ZNF438: variants seen among roughly 807,000 people sequenced by gnomAD.
ZNF438 encodes the protein zinc finger protein 438.
In ZNF438, 25 loss-of-function variants were observed where a neutral mutation model predicts 38.0. That is an observed-to-expected ratio of 0.66 (90% CI 0.48 to 0.92). The LOEUF (loss-of-function observed/expected upper bound fraction) is 0.92, where lower values mean the gene tolerates loss of function less well. Among genes scored for constraint, ZNF438 ranks in the 40% least tolerant of loss-of-function variants. The pLI is 0.00. For missense variants in ZNF438, 1,007 were observed against 999.6 expected (o/e 1.01, Z -0.10); for synonymous variants, 372 against 364.1 (o/e 1.02, Z -0.25).
chr10:30,969,130 G>C (rs1442602380), intron 1 of ZNF438, among the ~76,000 whole-genome samples: 1 of 151,586 alleles, frequency 6.6e-6, no homozygotes, highest in African/African-American at 2.4e-5. Context: ...GGCTAGAGAT[G>C]GTTTGCCACA....
intron 2 of ZNF438, among the ~76,000 whole-genome samples, chr10:30,933,905 G>A (rs1019247134): frequency 6.6e-6 from 1 of 152,064 alleles, no homozygotes; most frequent in African/African-American, 2.4e-5. Context: ...CCAACACTTT[G>A]GGAGACCGAG....
In ZNF438 at chr10:30,977,761, G is replaced by A. The variant is rs186299322; in HGVS notation, c.-191-36110C>T. ...ACACTTTGGGAGGCCGAGGCTAGCG[G>A]ATCGCAAGGTCAGGAGTTCGAGACT... is the stretch of plus-strand genomic sequence containing the variant. On this transcript the variant is annotated intron_variant, in intron 1 of 5. Transcript: ENST00000413025. Among the ~76,000 whole-genome samples, 7 of 152,094 alleles carry A rather than the reference G, an allele frequency of 4.6e-5. No homozygotes were observed. In the East Asian group the frequency reaches 1.4e-3, roughly 29 times the overall value.
intron 1 of ZNF438, among the ~76,000 whole-genome samples, chr10:30,983,228 T>G (rs918622195): frequency 6.6e-6 from 1 of 152,202 alleles, no homozygotes; most frequent in African/African-American, 2.4e-5. Context: ...GCAAACACCA[T>G]GCCCATTGTA....
At chr10:30,949,114 C>G (rs1387482221) in intron 1 of ZNF438, among the ~76,000 whole-genome samples, 3 of 152,064 alleles carry the variant, frequency 2.0e-5, no homozygotes, top group Admixed American at 1.3e-4. Flanking sequence ...TTAAAGACAA[C>G]AATTTTCAAC....
intron 1 of ZNF438, among the ~76,000 whole-genome samples, chr10:30,946,490 A>G (rs1303941832): frequency 6.6e-6 from 1 of 152,100 alleles, no homozygotes; most frequent in African/African-American, 2.4e-5. Context: ...ACTCAAACAA[A>G]TTTACAAGAA....
chr10:30,941,544 C>T (rs1449751847), intron 2 of ZNF438, 31 bp downstream of exon 3: 1 of 152,160 alleles, frequency 6.6e-6, no homozygotes, highest in African/African-American at 2.4e-5. Flanking sequence ...AAATCTTAAG[C>T]TGGTACCAAG....
intron 3 of ZNF438, among the ~76,000 whole-genome samples, chr10:30,878,863 C>T (rs540625128): frequency 2.7e-3 from 413 of 152,198 alleles, no homozygotes; most frequent in Non-Finnish European, 4.9e-3. Context: ...GTGTGGCAGG[C>T]TGAGTAAACA....
chr10:30,927,721 A>G (rs1388206829), intron 2 of ZNF438, among the ~76,000 whole-genome samples: 1 of 152,240 alleles, frequency 6.6e-6, no homozygotes. Flanking sequence ...ACTGATGGCC[A>G]GGAGGCTCTT....
rs76602173 is a variant in ZNF438 at position 30,893,180 on chromosome 10, A to G, written c.-32+15753T>C. Among the ~76,000 whole-genome samples, 752 of 152,330 alleles carry G rather than the reference A, an allele frequency of 4.9e-3. 11 individuals carry two copies. The highest frequency in any genetic ancestry group is 0.017 in the African/African-American group (718 of 41,580). Reference sequence around the variant, plus strand: ...CAAAAATTGCCATAGGAATTTTTCAATCAAATACTCAAAACGTTTAAGGAT... The same window carrying G: ...CAAAAATTGCCATAGGAATTTTTCAGTCAAATACTCAAAACGTTTAAGGAT... On this transcript the variant is annotated intron_variant, in intron 3 of 5. Transcript: ENST00000413025.
intron 1 of ZNF438, among the ~76,000 whole-genome samples, chr10:31,002,312 CTTCA>C (rs1482131394): frequency 2.6e-5 from 4 of 152,192 alleles, no homozygotes; most frequent in Non-Finnish European, 4.4e-5. Flanking sequence ...ATTAAAACTT[CTTCA>C]TTAAGTTCGA....
rs80161054 is a variant in ZNF438 at position 30,980,823 on chromosome 10, T to G, written c.-191-39172A>C. Among the ~76,000 whole-genome samples the G allele has an allele frequency of 4.9e-3, 741 of 152,312 alleles. 10 individuals are homozygous for G. Among genetic ancestry groups the G allele is most frequent in the African/African-American group, 0.017 (693 of 41,562 alleles). On this transcript the variant is annotated intron_variant, in intron 1 of 5. Transcript: ENST00000413025. ...AAGATAGCAAAGGAGATTTTGTACT[T>G]TTATGACTCTTCCTCAAAAAGAAGT...
intron 1 of ZNF438, among the ~76,000 whole-genome samples, chr10:30,947,840 C>A (rs1468926872): frequency 6.6e-6 from 1 of 152,206 alleles, no homozygotes; most frequent in Admixed American, 6.5e-5. Context: ...ACTCCCTGAC[C>A]CCTTGCGCTT....
chr10:30,904,640 T>C (rs2042390263), intron 3 of ZNF438, among the ~76,000 whole-genome samples: 1 of 152,218 alleles, frequency 6.6e-6, no homozygotes, highest in Non-Finnish European at 1.5e-5. Flanking sequence ...CACTCTGGTC[T>C]GGACCTTCTT....
intron 4 of ZNF438, among the ~76,000 whole-genome samples, chr10:30,855,381 G>A (rs1489371127): frequency 6.6e-6 from 1 of 152,174 alleles, no homozygotes; most frequent in Admixed American, 6.5e-5. Flanking sequence ...CTTATCAGGT[G>A]GTTCATGATC....
At chr10:30,873,345 G>A (rs181289901) in intron 4 of ZNF438, among the ~76,000 whole-genome samples, 14 of 152,124 alleles carry the variant, frequency 9.2e-5, no homozygotes, top group Non-Finnish European at 2.1e-4. Flanking sequence ...ATAACTTATC[G>A]TTAGAGTGAC....
chr10:30,885,264 TTTGA>T (rs1159411436), intron 3 of ZNF438, among the ~76,000 whole-genome samples: 1 of 152,212 alleles, frequency 6.6e-6, no homozygotes, highest in Admixed American at 6.5e-5. Flanking sequence ...ACTAACCTAC[TTTGA>T]TTGGGCAGCT....
intron 1 of ZNF438, among the ~76,000 whole-genome samples, chr10:30,942,527 A>G (rs956403963): frequency 2.0e-5 from 3 of 152,236 alleles, no homozygotes; most frequent in African/African-American, 7.2e-5. Context: ...AGCCTAAACA[A>G]TTATGCAAGA....
chr10:30,929,975 C>T (rs766123254), intron 2 of ZNF438, among the ~76,000 whole-genome samples: 37 of 152,364 alleles, frequency 2.4e-4, no homozygotes, highest in Admixed American at 7.8e-4. Flanking sequence ...AAGTCCCCAA[C>T]TGACTCAGGA....
intron 1 of ZNF438, among the ~76,000 whole-genome samples, chr10:30,965,903 C>T (rs562418249): frequency 2.6e-5 from 4 of 152,162 alleles, no homozygotes; most frequent in South Asian, 2.1e-4. Flanking sequence ...GCACATGTAA[C>T]CCCTGAATCT....
Sources: gnomAD v4.1 joint callset for allele counts (sites outside exome capture counted in the v4.1 genomes callset) on GRCh38, gnomAD v4.1.1 for gene constraint, MANE v1.5 for transcripts, NCBI Gene and HGNC (gene_info 2026-07-23, HGNC 2026-07-21) for gene names.